SLC9A8: variants seen among roughly 807,000 people sequenced by gnomAD.
The protein encoded by SLC9A8 is sodium/hydrogen exchanger 8.
In SLC9A8, 48 loss-of-function variants were observed where a neutral mutation model predicts 66.6. That is an observed-to-expected ratio of 0.72 (90% CI 0.57 to 0.92). The LOEUF is 0.92. Among genes scored for constraint, SLC9A8 ranks in the 40% least tolerant of loss-of-function variants. SLC9A8 has a pLI of 0.00. For missense variants in SLC9A8, 599 were observed against 747.3 expected (o/e 0.80, Z 2.31); for synonymous variants, 274 against 282.6 (o/e 0.97, Z 0.31).
chr20:49,862,801 T>C, intron 8 of SLC9A8, 128 bp from the exon 9 acceptor site: 1 of 766,854 alleles, frequency 1.3e-6, no homozygotes, highest in Admixed American at 3.2e-5. Context: ...AACGTTTGGC[T>C]GACTGAATGA....
At chr20:49,844,765 A>G (rs1453552067) in intron 4 of SLC9A8, among the ~76,000 whole-genome samples, 1 of 151,658 alleles carries the variant, frequency 6.6e-6, no homozygotes, top group African/African-American at 2.4e-5. Flanking sequence ...GCACCACTGC[A>G]CTTCAGCCTG....
At chr20:49,838,856 A>G (rs2087647169) in intron 3 of SLC9A8, among the ~76,000 whole-genome samples, 1 of 152,160 alleles carries the variant, frequency 6.6e-6, no homozygotes. Flanking sequence ...TCTTTATTTT[A>G]TAAAAAGTTC....
intron 4 of SLC9A8, among the ~76,000 whole-genome samples, chr20:49,844,127 G>A (rs905993119): frequency 1.3e-5 from 2 of 152,128 alleles, no homozygotes; most frequent in African/African-American, 4.8e-5. Flanking sequence ...CCCAGCCTCA[G>A]GTATTCTTTT....
At chr20:49,818,164 T>C (rs1288594337) in intron 2 of SLC9A8, among the ~76,000 whole-genome samples, 3 of 152,208 alleles carry the variant, frequency 2.0e-5, no homozygotes, top group Non-Finnish European at 2.9e-5. Context: ...TTCTATAATG[T>C]ACTTTTTAAA....
intron 10 of SLC9A8, among the ~76,000 whole-genome samples, chr20:49,872,478 TTTTG>T (rs529578018): frequency 7.8e-4 from 119 of 151,816 alleles, no homozygotes; most frequent in Middle Eastern, 6.8e-3. Flanking sequence ...TTTTACAGTT[TTTTG>T]TTTGTTTGTT....
In SLC9A8 at chr20:49,891,066, G is replaced by A. The variant is rs1322473504; in HGVS notation, c.*3130G>A. On this transcript the variant is annotated 3_prime_UTR_variant, in exon 16 of 16. Transcript: ENST00000361573. ...GTCCTCAGCAGGGTAGCCGAGGCCAGGCCACTTCTGCTGAGGATGGGGCAG... is the reference window on the plus strand; with the variant it reads ...GTCCTCAGCAGGGTAGCCGAGGCCAAGCCACTTCTGCTGAGGATGGGGCAG... The A allele has an allele frequency of 6.6e-6, 1 of 152,332 alleles. No individual in the cohort carries two copies. Among genetic ancestry groups the A allele is most frequent in the African/African-American group, 2.4e-5 (1 of 41,450 alleles). The allele number at this position is 152,332 out of a possible 1,614,324, so 9.4% of individuals were successfully genotyped here. A position where few individuals can be genotyped will look rare whatever the true frequency, so the allele number is the denominator to read the frequency against.
At chr20:49,881,782 T>C (rs1251818228) in intron 13 of SLC9A8, among the ~76,000 whole-genome samples, 1 of 152,240 alleles carries the variant, frequency 6.6e-6, no homozygotes, top group Non-Finnish European at 1.5e-5. Flanking sequence ...TGTGTATATA[T>C]ACATATACAT....
intron 10 of SLC9A8, among the ~76,000 whole-genome samples, chr20:49,865,144 G>C (rs1409592755): frequency 1.3e-5 from 2 of 152,192 alleles, no homozygotes. Flanking sequence ...GTAGGAGGGA[G>C]GTACTGTGAA....
intron 5 of SLC9A8, among the ~76,000 whole-genome samples, chr20:49,847,553 T>C (rs1262583532): frequency 6.6e-6 from 1 of 152,164 alleles, no homozygotes; most frequent in Non-Finnish European, 1.5e-5. Context: ...TTCTATCCAC[T>C]TTCTACCCTC....
intron 10 of SLC9A8, among the ~76,000 whole-genome samples, chr20:49,873,083 C>T (rs928551871): frequency 2.0e-5 from 3 of 152,194 alleles, no homozygotes; most frequent in Non-Finnish European, 2.9e-5. Flanking sequence ...TACACACCCT[C>T]GTGCAGGGCT....
intron 2 of SLC9A8, among the ~76,000 whole-genome samples, chr20:49,816,177 T>A (rs1170203325): frequency 6.6e-6 from 1 of 152,120 alleles, no homozygotes; most frequent in Admixed American, 6.5e-5. Flanking sequence ...ACCAACACTT[T>A]GGGAGGCCAA....
chr20:49,835,686 T>TC (rs1317605997), intron 3 of SLC9A8, among the ~76,000 whole-genome samples: 46 of 140,368 alleles, frequency 3.3e-4, no homozygotes, highest in Non-Finnish European at 2.0e-4. Context: ...TCACTTTTTT[T>TC]TTTTTTTTTT....
At position 49,815,072 on chromosome 20, in the gene SLC9A8, A is replaced by G; in HGVS notation, c.91A>G (p.Thr31Ala). ...CCTCCACACCACCCTGGTTGTCACGACGAAACTGGTGCTCCCGACCCCTGG... is the reference window on the plus strand; with the variant it reads ...CCTCCACACCACCCTGGTTGTCACGGCGAAACTGGTGCTCCCGACCCCTGG... Reference protein sequence around the residue: ...VTLHTTLVVTTKLVLPTPGKP... With the variant: ...VTLHTTLVVTAKLVLPTPGKP... Residue 31 changes from threonine to alanine, a missense_variant, in exon 2 of 16, where the codon ACG (threonine) becomes GCG (alanine). This residue lies in a region of SLC9A8 where 132 missense variants were observed against 120.9 expected (regional missense o/e 1.09). Coordinates refer to ENST00000361573, the MANE Select transcript of SLC9A8 (RefSeq NM_015266.3). 6.2e-7 allele frequency: 1 copy of G among 1,609,430 alleles called. No homozygotes were observed. The highest frequency in any genetic ancestry group is 1.7e-5 in the Admixed American group (1 of 59,200).
Position 49,855,601 on chromosome 20 carries a change from A to C in SLC9A8, c.713+20A>C. 2 of 1,610,640 alleles carry C rather than the reference A, an allele frequency of 1.2e-6. No individual in the cohort carries two copies. The highest frequency in any genetic ancestry group is 2.2e-5 in the South Asian group (2 of 90,718). On this transcript the variant is annotated intron_variant, in intron 8 of 15. Transcript: ENST00000361573. ...GACCAAGTAAGTACGGGGGCAGAGA[A>C]CAGACTTTTTTCATGTGACAGAACT...
At chr20:49,834,309 A>AGT (rs1384585191) in intron 3 of SLC9A8, among the ~76,000 whole-genome samples, 1 of 126,510 alleles carries the variant, frequency 7.9e-6, no homozygotes, top group African/African-American at 3.0e-5. Flanking sequence ...CTATATATAC[A>AGT]GTGTGTATAT....
chr20:49,845,205 T>TAGCAGC (rs891080741), intron 5 of SLC9A8, 86 bp downstream of exon 5: 6 of 965,846 alleles, frequency 6.2e-6, no homozygotes, highest in African/African-American at 3.2e-5. Flanking sequence ...GGGTATAATT[T>TAGCAGC]AGCAGCAGCA....
chr20:49,838,788 C>G (rs1161350731), intron 3 of SLC9A8, among the ~76,000 whole-genome samples: 1 of 152,164 alleles, frequency 6.6e-6, no homozygotes. Context: ...GTGTCACCTC[C>G]TACCGAGACT....
At chr20:49,855,705 C>A in intron 8 of SLC9A8, 124 bp downstream of exon 8, 1 of 880,960 alleles carries the variant, frequency 1.1e-6, no homozygotes, top group Non-Finnish European at 1.7e-6. Flanking sequence ...ATCAGTTCAC[C>A]CACTCTCTTT....
intron 11 of SLC9A8, among the ~76,000 whole-genome samples, chr20:49,875,274 T>TA (rs33958043): frequency 0.052 from 6,437 of 123,224 alleles, 470 homozygotes; most frequent in East Asian, 0.4. Context: ...GCTATGATCT[T>TA]AAAAAAAAAA....
Sources: allele counts gnomAD v4.1 joint callset (sites outside exome capture counted in the v4.1 genomes callset), GRCh38; gene constraint gnomAD v4.1.1; regional missense constraint gnomAD v4.1.1; transcripts MANE v1.5; gene names NCBI Gene and HGNC (gene_info 2026-07-23, HGNC 2026-07-21).